The following FHIP1B variants were observed in gnomAD, a reference collection of about 807,000 sequenced individuals.
The protein encoded by FHIP1B is FHF complex subunit HOOK-interacting protein 1B.
In FHIP1B, 28 loss-of-function variants were observed where a neutral mutation model predicts 82.2. The ratio of observed to expected loss-of-function variants is 0.34; its 90% CI spans 0.25 to 0.47. FHIP1B has a LOEUF of 0.47. Ranked by LOEUF, FHIP1B falls within the 20% of genes least tolerant of loss-of-function variation. FHIP1B has a pLI of 1.00. For missense variants in FHIP1B, 1,110 were observed against 1,262.6 expected (o/e 0.88, Z 1.83); for synonymous variants, 585 against 516.1 (o/e 1.13, Z -1.81).
In FHIP1B at chr11:6,214,691, C is replaced by T. The variant is rs1392688100; in HGVS notation, c.2394+42G>A. 4 of 1,546,188 alleles carry T rather than the reference C, an allele frequency of 2.6e-6. No homozygotes were observed. The African/African-American group carries it at 4.1e-5, about 16-fold the overall frequency. On this transcript the variant is annotated intron_variant, in intron 10 of 11. Transcript: ENST00000449352. ...TCACTCCAGCTGCGGGCCTGGCCCA[C>T]CACGGAGCCTGGACGCACCCATGCA...
intron 9 of FHIP1B, chr11:6,217,149 G>C (rs770156644): frequency 2.0e-5 from 14 of 704,288 alleles, no homozygotes; most frequent in Admixed American, 6.0e-5. Flanking sequence ...AGGCTCAGAT[G>C]TAAGTCAATA....
intron 5 of FHIP1B, 29 bp downstream of exon 5, chr11:6,222,782 T>TTATATA (rs1291710751): frequency 6.2e-7 from 1 of 1,610,284 alleles, no homozygotes; most frequent in Non-Finnish European, 8.5e-7. Flanking sequence ...GCTTAGCCCC[T>TTATATA]TATATGCCTT....
At position 6,218,160 on chromosome 11, in the gene FHIP1B, G is replaced by GA. The variant is rs770041110; in HGVS notation, c.1436-11dup. The GA allele has an allele frequency of 1.6e-5, 25 of 1,603,510 alleles. No homozygotes were observed. In the Admixed American group the frequency reaches 3.4e-4, roughly 22 times the overall value. On this transcript the variant is annotated splice_polypyrimidine_tract_variant and intron_variant, in intron 8 of 11. Transcript: ENST00000449352. ...CTTGGGCTTCCAGGACCTGCAAAGG[G>GA]AAAAAATATAAGAGAAATCAAGGAG... is the stretch of plus-strand genomic sequence containing the variant.
At position 6,217,705 on chromosome 11, in the gene FHIP1B, A is replaced by G. The variant is rs1390498189; in HGVS notation, c.1881T>C (p.Pro627=). ...TGAGCTGGGGAGGGGGCAGGTGACC[A>G]GGGCCCTCCCCTGCACCCCCAGCCC... ...RGRAGGAGEG[P]GHLPPPQLNG... Residue 627 remains proline (P), a synonymous_variant, in exon 9 of 12, where the codon CCT becomes CCC. Transcript: ENST00000449352. 1.9e-6 allele frequency: 3 copies of G among 1,612,694 alleles called. No individual in the cohort carries two copies. Among genetic ancestry groups the G allele is most frequent in the Non-Finnish European group, 2.5e-6 (3 of 1,179,446 alleles).
intron 9 of FHIP1B, 199 bp downstream of exon 9, chr11:6,217,172 C>T: frequency 1.4e-6 from 1 of 707,930 alleles, no homozygotes; most frequent in African/African-American, 1.7e-5. Flanking sequence ...CAAACCAGCA[C>T]AAGCATGGAA....
intron 1 of FHIP1B, among the ~76,000 whole-genome samples, chr11:6,229,753 T>C (rs1354012129): frequency 1.3e-5 from 2 of 151,932 alleles, no homozygotes; most frequent in African/African-American, 4.8e-5. Context: ...AGTTCTACAA[T>C]CCCATTTCAA....
rs368858286 is a variant in FHIP1B at position 6,215,858 on chromosome 11, G to T, written c.2216-947C>A. Among the ~76,000 whole-genome samples, 7 of 152,308 alleles carry T rather than the reference G, an allele frequency of 4.6e-5. No individual in the cohort carries two copies. In the East Asian group the frequency reaches 9.6e-4, roughly 21 times the overall value. ...ATCTAAGAACTGTACTATGCATTGA[G>T]ACAGGAGAATGATGGAGGGCAGGAG... On this transcript the variant is annotated intron_variant, in intron 9 of 11. Coordinates refer to ENST00000449352, the MANE Select transcript of FHIP1B (RefSeq NM_001098794.2).
At chr11:6,231,479 T>C (rs1436317889) in intron 1 of FHIP1B, among the ~76,000 whole-genome samples, 1 of 150,310 alleles carries the variant, frequency 6.7e-6, no homozygotes, top group Non-Finnish European at 1.5e-5. Flanking sequence ...CTTTTTTTTT[T>C]TTTTTTTTTT....
rs201893041 is a variant in FHIP1B, at chr11:6,211,522, C to T, written c.2903G>A (p.Gly968Glu). Residue 968 changes from glycine to glutamate, a missense_variant, in exon 12 of 12, where the codon GGG becomes GAG. Physicochemically the swap from Gly to Glu is moderately conservative, Grantham distance 98. Around this residue, in one of 6 missense-constraint regions of FHIP1B, gnomAD observed 29 missense variants for 21.5 expected, o/e 1.35. Coordinates refer to ENST00000449352, the MANE Select transcript of FHIP1B (RefSeq NM_001098794.2). ...GGAAGAAAGTTAAGGATTGAGGGGC[C>T]CACAGCCTGAGATGAGAGGGCCAGA... ...EGSGPLISGC[G>E]PLNP is the part of the protein sequence containing the mutation. 6.4e-5 allele frequency: 102 copies of T among 1,601,842 alleles called. No individual in the cohort carries two copies. The highest frequency in any genetic ancestry group is 4.3e-6 in the Non-Finnish European group (5 of 1,174,840).
At chr11:6,224,991 G>C (rs1847523976) in intron 1 of FHIP1B, among the ~76,000 whole-genome samples, 2 of 152,116 alleles carry the variant, frequency 1.3e-5, no homozygotes, top group African/African-American at 4.8e-5. Context: ...CCAATATCCA[G>C]TTCATCAGCA....
Position 6,222,880 on chromosome 11 carries a change from C to T in FHIP1B, c.954G>A (p.Val318=). ...GGATATAATCAACCAACTGCTTCTG[C>T]ACCAGGGGGTGAGCCACCTGTAGGA... The part of the protein sequence containing the change: ...NAVIQVAHPL[V]QKQLVDYIHN... The change falls in exon 5 of 12, where the codon GTG becomes GTA. Residue 318 remains valine (V), a synonymous_variant. Transcript: ENST00000449352. 1.2e-6 allele frequency: 2 copies of T among 1,614,158 alleles called. No individual in the cohort carries two copies. Among genetic ancestry groups the T allele is most frequent in the Non-Finnish European group, 1.7e-6 (2 of 1,180,024 alleles).
Position 6,223,372 on chromosome 11 carries a change from C to A in FHIP1B, c.778-134G>T. The A allele has an allele frequency of 9.3e-7, 1 of 1,071,924 alleles. No homozygotes were observed. The highest frequency in any genetic ancestry group is 2.6e-5 in the East Asian group (1 of 38,060). The allele number at this position is 1,071,924 out of a possible 1,614,324, so 66.4% of individuals were successfully genotyped here. A position where few individuals can be genotyped will look rare whatever the true frequency, so the allele number is the denominator to read the frequency against. On this transcript the variant is annotated intron_variant, in intron 3 of 11. Transcript: ENST00000449352. This position sits in a 1 kb window ranked among gnomAD's most constrained non-coding sequence, Gnocchi z 4.8. ...ATTACCAAAGCAAGCATTTGCCTAC[C>A]CAATGTGCCTGAAACTCACCTAGAA... is the stretch of plus-strand genomic sequence containing the variant.
intron 7 of FHIP1B, 56 bp from the exon 8 acceptor site, chr11:6,218,819 C>G: frequency 6.3e-7 from 1 of 1,597,468 alleles, no homozygotes; most frequent in Non-Finnish European, 8.6e-7. Context: ...AGGACAGGGC[C>G]TAGAGGAACA....
chr11:6,212,335 G>A (rs764016178), intron 11 of FHIP1B, among the ~76,000 whole-genome samples: 4 of 151,878 alleles, frequency 2.6e-5, no homozygotes, highest in Admixed American at 6.5e-5. Context: ...TCACCCTTCC[G>A]AACTAGTCAA....
chr11:6,223,653 G>A lies in FHIP1B; in HGVS notation c.734C>T (p.Pro245Leu). 1.9e-6 allele frequency: 3 copies of A among 1,610,740 alleles called. No individual in the cohort carries two copies. Among genetic ancestry groups the A allele is most frequent in the Non-Finnish European group, 2.5e-6 (3 of 1,178,062 alleles). The change falls in exon 3 of 12, where the codon CCC becomes CTC. Residue 245 changes from proline (P) to leucine (L), a missense_variant. Pro to Leu is a moderately conservative substitution (Grantham distance 98). Around this residue, in one of 6 missense-constraint regions of FHIP1B, gnomAD observed 467 missense variants for 602.9 expected, o/e 0.77. Transcript: ENST00000449352. The surrounding 1 kb of genome is among the most constrained non-coding windows in gnomAD (Gnocchi z 4.8). ...ATCCGCGATGTAGCGGCCCACAGTG[G>A]GGCTCCCAGCTGACAAAGCCATGAG... ...LLLMALSAGS[P>L]TVGRYIADHS... is the part of the protein sequence containing the mutation.
At chr11:6,213,046 A>C (rs1167544429) in intron 11 of FHIP1B, among the ~76,000 whole-genome samples, 2 of 152,058 alleles carry the variant, frequency 1.3e-5, no homozygotes, top group Non-Finnish European at 2.9e-5. Flanking sequence ...TCATACACTA[A>C]CCTGTGAACT....
At chr11:6,231,469 C>CTTTT (rs1167717523) in intron 1 of FHIP1B, among the ~76,000 whole-genome samples, 28 of 125,312 alleles carry the variant, frequency 2.2e-4, no homozygotes, top group Non-Finnish European at 2.6e-4. Context: ...GATATATTTT[C>CTTTT]TTTTTTTTTT....
intron 1 of FHIP1B, among the ~76,000 whole-genome samples, chr11:6,233,992 A>T (rs1021367579): frequency 6.6e-6 from 1 of 152,166 alleles, no homozygotes; most frequent in Non-Finnish European, 1.5e-5. Flanking sequence ...GAATATGGAA[A>T]GTCCATGGGA....
At chr11:6,225,223 T>C (rs1000324883) in intron 1 of FHIP1B, among the ~76,000 whole-genome samples, 3 of 152,236 alleles carry the variant, frequency 2.0e-5, no homozygotes, top group African/African-American at 7.2e-5. Context: ...GGAGCCTACA[T>C]AATCTAATCT....
Sources: gnomAD v4.1 joint callset for allele counts (sites outside exome capture counted in the v4.1 genomes callset) on GRCh38, gnomAD v4.1.1 for gene constraint, gnomAD v4.1.1 regional missense constraint, Gnocchi (gnomAD v3.1) non-coding constraint, MANE v1.5 for transcripts, NCBI Gene and HGNC (gene_info 2026-07-23, HGNC 2026-07-21) for gene names.